Variants in DNAH7 observed in about 807,000 individuals in gnomAD.
DNAH7 encodes the protein dynein axonemal heavy chain 7.
Under a neutral mutation model 444.6 loss-of-function variants are expected in DNAH7, and 397 were observed. The ratio of observed to expected loss-of-function variants is 0.89; its 90% CI spans 0.82 to 0.97. The LOEUF is 0.97. DNAH7 is among the 50% of genes least tolerant of loss of function. The probability of loss-of-function intolerance (pLI) is 0.00; values close to 1 mark genes in which losing one functional copy is unlikely to be tolerated. For synonymous variants in DNAH7, 1,636 were observed against 1,624.4 expected (o/e 1.01, Z -0.17); for missense variants, 4,902 against 4,800.8 (o/e 1.02, Z -0.62).
At chr2:195,826,055 CTGT>C (rs768548627) in intron 48 of DNAH7, among the ~76,000 whole-genome samples, 4 of 152,044 alleles carry the variant, frequency 2.6e-5, no homozygotes, top group Non-Finnish European at 5.9e-5. Flanking sequence ...TGTTAATTTT[CTGT>C]TGTTTAGATT....
chr2:195,994,823 C>A, intron 12 of DNAH7: 1 of 443,528 alleles, frequency 2.3e-6, no homozygotes, highest in South Asian at 2.0e-5. Context: ...TGGATCAGTT[C>A]ATCTAATTTT....
intron 48 of DNAH7, among the ~76,000 whole-genome samples, chr2:195,828,512 G>A (rs1447645053): frequency 1.3e-5 from 2 of 151,282 alleles, no homozygotes; most frequent in East Asian, 1.9e-4. Context: ...GTGAACCCAG[G>A]AGGCAGAGCT....
At position 195,872,258 on chromosome 2, in the gene DNAH7, C is replaced by T. The variant is rs1700754405; in HGVS notation, c.6625G>A (p.Val2209Ile). 1.9e-6 allele frequency: 3 copies of T among 1,611,358 alleles called. No homozygotes were observed. Among genetic ancestry groups the T allele is most frequent in the Non-Finnish European group, 1.7e-6 (2 of 1,178,364 alleles). Reference protein sequence around the residue: ...ETTEVIKRLWVHEVLRVYYDR... With the variant: ...ETTEVIKRLWIHEVLRVYYDR... ...ATAACAGGAAAATTTACCTCATGAA[C>T]CCAAAGACGTTTAATCACTTCTGTG... Residue 2209 changes from valine (V) to isoleucine (I), a missense_variant, in exon 40 of 65, where the codon GTT (valine) becomes ATT (isoleucine). Coordinates refer to ENST00000312428, the MANE Select transcript of DNAH7 (RefSeq NM_018897.3).
chr2:196,004,635 C>G (rs1694246501), intron 10 of DNAH7, among the ~76,000 whole-genome samples: 1 of 152,116 alleles, frequency 6.6e-6, no homozygotes, highest in Admixed American at 6.6e-5. Context: ...AAATTTTTAG[C>G]TGTAAACACC....
chr2:195,766,465 G>A (rs534418797), intron 61 of DNAH7, among the ~76,000 whole-genome samples: 1 of 152,136 alleles, frequency 6.6e-6, no homozygotes, highest in East Asian at 1.9e-4. Flanking sequence ...ACCATGCACA[G>A]GCCATGGAAG....
At chr2:195,923,261 T>C (rs1204772791) in intron 23 of DNAH7, among the ~76,000 whole-genome samples, 2 of 152,184 alleles carry the variant, frequency 1.3e-5, no homozygotes, top group East Asian at 1.9e-4. Context: ...TTAAACTGAC[T>C]AGTCCCAACA....
At chr2:195,906,503 C>T (rs1033234437) in intron 27 of DNAH7, among the ~76,000 whole-genome samples, 156 bp downstream of exon 27, 2 of 139,448 alleles carry the variant, frequency 1.4e-5, no homozygotes, top group African/African-American at 2.7e-5. Context: ...TATGCCCAGG[C>T]TGGTCTCAAA....
chr2:195,784,604 GA>G (rs1019802833), intron 58 of DNAH7, among the ~76,000 whole-genome samples: 1 of 152,130 alleles, frequency 6.6e-6, no homozygotes, highest in African/African-American at 2.4e-5. Flanking sequence ...ACTGCACTGG[GA>G]AAATACAAAG....
chr2:195,875,714 G>C lies in DNAH7; in HGVS notation c.6247C>G (p.Leu2083Val), dbSNP rs780721729. The C allele has an allele frequency of 6.2e-7, 1 of 1,609,580 alleles. No individual in the cohort carries two copies. The highest frequency in any genetic ancestry group is 1.7e-5 in the Admixed American group (1 of 58,958). The change falls in exon 38 of 65, where the codon CTA (leucine) becomes GTA (valine). Residue 2083 changes from leucine (L) to valine (V), a missense_variant. By Grantham distance (32) the Leu-to-Val change is conservative. Coordinates refer to ENST00000312428, the MANE Select transcript of DNAH7 (RefSeq NM_018897.3). ...YDLKDCSMIK[L>V]VDIQIMCAMG... ...GCACACATGATCTGAATGTCCACTA[G>C]TTTAATCATGGAACAATCTTTTAGA...
intron 12 of DNAH7, among the ~76,000 whole-genome samples, chr2:195,996,447 A>G (rs2125671045): frequency 6.8e-6 from 1 of 147,388 alleles, no homozygotes; most frequent in Non-Finnish European, 1.5e-5. Context: ...TTTTTTTGAG[A>G]CAGAGTCTCA....
At chr2:195,906,177 G>A (rs1330518492) in intron 27 of DNAH7, among the ~76,000 whole-genome samples, 1 of 152,012 alleles carries the variant, frequency 6.6e-6, no homozygotes, top group East Asian at 1.9e-4. Flanking sequence ...ACAGTAAGCA[G>A]TAGAATGGGT....
At chr2:195,958,992 C>T (rs1034595725) in intron 18 of DNAH7, among the ~76,000 whole-genome samples, 7 of 152,086 alleles carry the variant, frequency 4.6e-5, no homozygotes, top group Non-Finnish European at 7.4e-5. Flanking sequence ...ATCCAGGAGG[C>T]GGAGGTTGCA....
At chr2:195,835,429 A>T (rs1249378472) in intron 47 of DNAH7, among the ~76,000 whole-genome samples, 3 of 152,018 alleles carry the variant, frequency 2.0e-5, no homozygotes, top group Admixed American at 1.3e-4. Flanking sequence ...AGGGGGATAT[A>T]ACAGGATAAC....
chr2:195,884,669 A>T lies in DNAH7; in HGVS notation c.5679T>A (p.Ser1893Arg). The T allele has an allele frequency of 6.2e-7, 1 of 1,614,096 alleles. No individual in the cohort carries two copies. The highest frequency in any genetic ancestry group is 8.5e-7 in the Non-Finnish European group (1 of 1,179,984). ...DRTRNTFKLQSGTEQTSSKAL... is the reference protein window; with the variant it reads ...DRTRNTFKLQRGTEQTSSKAL... ...CCTTTGAGGATGTTTGCTCAGTACC[A>T]CTCTGTAATTTAAACGTATTTCGAG... The change falls in exon 35 of 65, where the codon AGT (serine) becomes AGA (arginine). Residue 1893 changes from serine (S) to arginine (R), a missense_variant. Coordinates refer to ENST00000312428, the MANE Select transcript of DNAH7 (RefSeq NM_018897.3).
chr2:196,066,958 A>G (rs894588232), intron 1 of DNAH7, among the ~76,000 whole-genome samples: 1 of 152,228 alleles, frequency 6.6e-6, no homozygotes, highest in Non-Finnish European at 1.5e-5. Flanking sequence ...TTAAATTACA[A>G]ATCAACCAAA....
chr2:195,853,605 A>T, intron 45 of DNAH7, 77 bp from the exon 46 acceptor site: 2 of 1,375,976 alleles, frequency 1.5e-6, no homozygotes, highest in Non-Finnish European at 1.9e-6. Flanking sequence ...TTACCCTCAG[A>T]AGTGAATTAT....
chr2:195,877,170 A>C (rs1360782202), intron 36 of DNAH7, among the ~76,000 whole-genome samples: 2 of 152,208 alleles, frequency 1.3e-5, no homozygotes, highest in Admixed American at 1.3e-4. Context: ...AATGGTTCTT[A>C]ATCAAGATGT....
At chr2:195,748,774 G>A (rs1221491129) in intron 63 of DNAH7, among the ~76,000 whole-genome samples, 3 of 152,286 alleles carry the variant, frequency 2.0e-5, no homozygotes, top group Admixed American at 1.3e-4. Context: ...GGGAAAACTG[G>A]CTAGCCATAT....
At chr2:195,930,454 A>G (rs894067476) in intron 21 of DNAH7, among the ~76,000 whole-genome samples, 6 of 152,218 alleles carry the variant, frequency 3.9e-5, no homozygotes, top group African/African-American at 1.4e-4. Context: ...ATCAGAAAAT[A>G]TAAATCAGTA....
Sources: allele counts gnomAD v4.1 joint callset (sites outside exome capture counted in the v4.1 genomes callset), GRCh38; gene constraint gnomAD v4.1.1; transcripts MANE v1.5; gene names NCBI Gene and HGNC (gene_info 2026-07-23, HGNC 2026-07-21).